The following TUBGCP3 variants were observed in gnomAD, a reference collection of about 807,000 sequenced individuals.
TUBGCP3 encodes the protein tubulin gamma complex component 3, also known as gamma-tubulin complex component 3.
A neutral mutation model predicts 123.1 loss-of-function variants in TUBGCP3; 50 were observed. The ratio of observed to expected loss-of-function variants is 0.41; its 90% CI spans 0.32 to 0.51. The LOEUF is 0.51. Among genes scored for constraint, TUBGCP3 ranks in the 20% least tolerant of loss-of-function variants. The pLI, the probability that TUBGCP3 is intolerant of heterozygous loss-of-function variation, is 0.36. For synonymous variants in TUBGCP3, 405 were observed against 413.9 expected, an observed-to-expected ratio of 0.98 and a Z score of 0.26; for missense variants, 882 against 1,127.0, an observed-to-expected ratio of 0.78 and a Z score of 3.11.
upstream of TUBGCP3, among the ~76,000 whole-genome samples, chr13:112,590,376 A>G (rs138960943): frequency 2.2e-4 from 34 of 152,256 alleles, no homozygotes; most frequent in African/African-American, 7.7e-4. Context: ...ACCTTCTCCA[A>G]CTGTTGCTCA....
At chr13:112,564,978 T>C in intron 3 of TUBGCP3, 133 bp downstream of exon 3, 2 of 672,524 alleles carry the variant, frequency 3.0e-6, no homozygotes, top group Non-Finnish European at 4.7e-6. Context: ...AAGCAAATGC[T>C]ATCTATAATT....
chr13:112,522,269 T>C (rs1466931500), intron 14 of TUBGCP3, 51 bp downstream of exon 14: 1 of 1,338,540 alleles, frequency 7.5e-7, no homozygotes, highest in Non-Finnish European at 1.0e-6. Flanking sequence ...ACAAGATTCC[T>C]TATCATGTCA....
In TUBGCP3 at chr13:112,558,398, T is replaced by C. The variant is rs1259454876; in HGVS notation, c.346A>G (p.Thr116Ala). ...RQPSKVSSYATLFAQALPRDA... is the reference protein window; with the variant it reads ...RQPSKVSSYAALFAQALPRDA... ...CTTGGTAAGGCCTGAGCAAATAACGTAGCATAGCTAGAAACCTGAAAAGAG... is the reference window on the plus strand; with the variant it reads ...CTTGGTAAGGCCTGAGCAAATAACGCAGCATAGCTAGAAACCTGAAAAGAG... Residue 116 changes from threonine (T) to alanine (A), a missense_variant, in exon 5 of 22, where the codon ACG becomes GCG. Coordinates refer to ENST00000261965, the MANE Select transcript of TUBGCP3 (RefSeq NM_006322.6). 1.9e-6 allele frequency: 3 copies of C among 1,565,996 alleles called. No homozygotes were observed. Among genetic ancestry groups the C allele is most frequent in the Non-Finnish European group, 2.6e-6 (3 of 1,146,506 alleles).
At chr13:112,489,245 C>T (rs1303550082) in intron 21 of TUBGCP3, among the ~76,000 whole-genome samples, 5 of 150,292 alleles carry the variant, frequency 3.3e-5, no homozygotes, top group Non-Finnish European at 5.9e-5. Context: ...ACGCCCAGGT[C>T]CCCACACCCC....
rs1217557246 is a variant in TUBGCP3 at position 112,554,046 on chromosome 13, C to T, written c.966+11G>A. ...CGCAGCATCCCAGCATCCTAGGAAC[C>T]ATGAACGCACCTGCCCGACGAGTCC... On this transcript the variant is annotated intron_variant, in intron 8 of 21. Transcript: ENST00000261965. The T allele has an allele frequency of 3.7e-6, 6 of 1,607,916 alleles. No homozygotes were observed. In the African/African-American group the frequency reaches 6.7e-5, roughly 18 times the overall value.
At position 112,508,805 on chromosome 13, in the gene TUBGCP3, C is replaced by T. The variant is rs577189933; in HGVS notation, c.2087-4091G>A. On this transcript the variant is annotated intron_variant, in intron 17 of 21. Coordinates refer to ENST00000261965, the MANE Select transcript of TUBGCP3 (RefSeq NM_006322.6). This position sits in a 1 kb window ranked among gnomAD's most constrained non-coding sequence, Gnocchi z 4.2. ...GGTCCTCAAGTCAGAGACCCAGGTG[C>T]CACTGAGACTCCAACCACCTCCTGG... 2.0e-4 allele frequency among the ~76,000 whole-genome samples: 31 copies of T among 152,162 alleles called. No individual in the cohort carries two copies. Among genetic ancestry groups the T allele is most frequent in the Non-Finnish European group, 3.8e-4 (26 of 68,038 alleles).
intron 8 of TUBGCP3, among the ~76,000 whole-genome samples, chr13:112,553,307 T>G (rs942778049): frequency 6.6e-6 from 1 of 152,234 alleles, no homozygotes; most frequent in African/African-American, 2.4e-5. Context: ...GCCACCCTCC[T>G]ACCCACCAGC....
intron 1 of TUBGCP3, among the ~76,000 whole-genome samples, chr13:112,570,814 C>A (rs181492803): frequency 7.2e-5 from 11 of 152,322 alleles, no homozygotes; most frequent in Admixed American, 6.5e-5. Flanking sequence ...TTAAACCCTG[C>A]CACTGTTTTA....
chr13:112,528,176 T>C (rs1877288769), intron 11 of TUBGCP3, among the ~76,000 whole-genome samples: 1 of 152,264 alleles, frequency 6.6e-6, no homozygotes, highest in Admixed American at 6.5e-5. Context: ...ATTCAATTGC[T>C]GTTGCTTCCA....
upstream of TUBGCP3, among the ~76,000 whole-genome samples, chr13:112,591,034 A>G (rs1882873255): frequency 6.6e-6 from 1 of 152,258 alleles, no homozygotes; most frequent in South Asian, 2.1e-4. Flanking sequence ...ACTGTTATTT[A>G]GTAAAAGATT....
At chr13:112,578,466 G>A (rs557356986) in intron 1 of TUBGCP3, among the ~76,000 whole-genome samples, 24 of 147,376 alleles carry the variant, frequency 1.6e-4, no homozygotes, top group Non-Finnish European at 2.7e-4. Context: ...GGCTGAGGCA[G>A]GAGAATGGCA....
chr13:112,576,915 A>C (rs1222241183), intron 1 of TUBGCP3, among the ~76,000 whole-genome samples: 20 of 151,514 alleles, frequency 1.3e-4, no homozygotes, highest in East Asian at 7.7e-4. Flanking sequence ...ACAAACAAAA[A>C]AAAAAAAACC....
chr13:112,552,079 A>G lies in TUBGCP3; in HGVS notation c.966+1978T>C, dbSNP rs1594187500. Among the ~76,000 whole-genome samples the G allele has an allele frequency of 2.0e-5, 3 of 151,902 alleles. No homozygotes were observed. The South Asian group carries it at 6.2e-4, about 32-fold the overall frequency. Reference sequence around the variant, plus strand: ...GGTCATGCCTGCTCGCCCTCCACTCACCTCCTGCCGTGCGGCCCAGTTCCT... The same window carrying G: ...GGTCATGCCTGCTCGCCCTCCACTCGCCTCCTGCCGTGCGGCCCAGTTCCT... On this transcript the variant is annotated intron_variant, in intron 8 of 21. Transcript: ENST00000261965.
chr13:112,500,332 C>A (rs1397032411), intron 19 of TUBGCP3, among the ~76,000 whole-genome samples: 1 of 152,090 alleles, frequency 6.6e-6, no homozygotes, highest in Non-Finnish European at 1.5e-5. Context: ...ACAAAACAGC[C>A]AACAATGAAG....
chr13:112,534,345 G>A (rs373434523), intron 11 of TUBGCP3, among the ~76,000 whole-genome samples: 1 of 152,160 alleles, frequency 6.6e-6, no homozygotes, highest in Non-Finnish European at 1.5e-5. Flanking sequence ...AGGAGATCGA[G>A]ACCATCCTGG....
intron 16 of TUBGCP3, 69 bp from the exon 17 acceptor site, chr13:112,516,644 C>G (rs1460171854): frequency 1.4e-6 from 2 of 1,471,222 alleles, no homozygotes; most frequent in Non-Finnish European, 1.8e-6. Context: ...AGGTCTCAAT[C>G]TTTTTTTAAA....
intron 11 of TUBGCP3, among the ~76,000 whole-genome samples, chr13:112,538,673 C>T (rs1878261630): frequency 6.6e-6 from 1 of 152,004 alleles, no homozygotes; most frequent in Non-Finnish European, 1.5e-5. Flanking sequence ...TGATATTTTG[C>T]ACTTTTATTA....
chr13:112,570,921 T>C (rs974919215), intron 1 of TUBGCP3, among the ~76,000 whole-genome samples: 3 of 152,242 alleles, frequency 2.0e-5, no homozygotes, highest in Admixed American at 2.0e-4. Flanking sequence ...AGAAACCACT[T>C]TCTCTGCTCA....
chr13:112,544,886 C>T (rs750719671), intron 11 of TUBGCP3: 7 of 152,274 alleles, frequency 4.6e-5, no homozygotes, highest in Non-Finnish European at 8.8e-5. Flanking sequence ...GTAATACAAA[C>T]CTCACGCTTG....
Sources: gnomAD v4.1 joint callset for allele counts (sites outside exome capture counted in the v4.1 genomes callset) on GRCh38, gnomAD v4.1.1 for gene constraint, Gnocchi (gnomAD v3.1) non-coding constraint, MANE v1.5 for transcripts, NCBI Gene and HGNC (gene_info 2026-07-23, HGNC 2026-07-21) for gene names.